Variants in MALT1 observed in about 807,000 individuals in gnomAD.
MALT1 encodes the protein mucosa-associated lymphoid tissue lymphoma translocation protein 1.
Under a neutral mutation model 85.5 loss-of-function variants are expected in MALT1, and 36 were observed. The observed-to-expected ratio is 0.42, with a 90% CI of 0.32 to 0.56. The LOEUF (loss-of-function observed/expected upper bound fraction) is 0.56. MALT1 is among the 20% of genes least tolerant of loss of function. The pLI is 0.10. For synonymous variants in MALT1, 359 were observed against 361.3 expected, an observed-to-expected ratio of 0.99 and a Z score of 0.07; for missense variants, 716 against 981.6, an observed-to-expected ratio of 0.73 and a Z score of 3.62.
At chr18:58,716,623 T>G (rs889240079) in intron 9 of MALT1, among the ~76,000 whole-genome samples, 1 of 152,218 alleles carries the variant, frequency 6.6e-6, no homozygotes, top group Admixed American at 6.5e-5. Flanking sequence ...TGAGTTATGC[T>G]GGGAATTTAA....
intron 10 of MALT1, among the ~76,000 whole-genome samples, chr18:58,727,614 G>GTTTTTTTTTTTTTTTTT (rs1602327763): frequency 3.6e-5 from 4 of 110,510 alleles, no homozygotes; most frequent in African/African-American, 1.3e-4. Flanking sequence ...AAGGTTTTTT[G>GTTTTTTTTTTTTTTTTT]TGTTTTTTTT....
chr18:58,734,512 C>T, intron 12 of MALT1, 131 bp downstream of exon 12: 5 of 682,240 alleles, frequency 7.3e-6, no homozygotes, highest in Admixed American at 6.8e-5. Context: ...TAGCTCACTG[C>T]TCCTGGGCTC....
intron 1 of MALT1, among the ~76,000 whole-genome samples, chr18:58,679,678 G>T (rs1198403070): frequency 2.0e-5 from 3 of 152,088 alleles, no homozygotes; most frequent in Non-Finnish European, 4.4e-5. Flanking sequence ...CTCCTGAGTA[G>T]CTGGGACTAC....
At chr18:58,710,860 C>T (rs1386768249) in intron 6 of MALT1, 61 bp from the exon 7 acceptor site, 30 of 1,128,710 alleles carry the variant, frequency 2.7e-5, no homozygotes, top group Admixed American at 4.0e-5. Context: ...ATTTGCTTGA[C>T]GGCTGCCCTT....
chr18:58,750,247 T>G lies in MALT1; in HGVS notation c.*2405T>G, dbSNP rs572506520. ...ATCAAGAATAAAACTCCAACACGTT[T>G]AAAGAAATTAAGATCCAGATAAATG... On this transcript the variant is annotated 3_prime_UTR_variant, in exon 17 of 17. Transcript: ENST00000649217. 1.8e-5 allele frequency: 3 copies of G among 167,206 alleles called. No homozygotes were observed. Among genetic ancestry groups the G allele is most frequent in the Admixed American group, 6.4e-5 (1 of 15,624 alleles). The allele number at this position is 167,206 out of a possible 1,614,324, so 10.4% of individuals were successfully genotyped here. A position where few individuals can be genotyped will look rare whatever the true frequency, so the allele number is the denominator to read the frequency against.
At chr18:58,727,621 T>TG (rs2055079200) in intron 10 of MALT1, among the ~76,000 whole-genome samples, 3 of 127,086 alleles carry the variant, frequency 2.4e-5, no homozygotes, top group Admixed American at 1.7e-4. Context: ...TTTGTGTTTT[T>TG]TTTTTTGTTT....
chr18:58,734,044 A>C, intron 11 of MALT1: 1 of 1,277,718 alleles, frequency 7.8e-7, no homozygotes, highest in South Asian at 2.2e-5. Context: ...GTTCCTCTAG[A>C]TTTACTATTT....
rs1478045882 is a variant in MALT1, at chr18:58,671,677, C to A, written c.34C>A (p.Pro12Thr). Residue 12 changes from proline to threonine, a missense_variant, in exon 1 of 17, where the codon CCG (proline) becomes ACG (threonine). Around this residue, in one of 4 missense-constraint regions of MALT1, gnomAD observed 80 missense variants for 65.1 expected, o/e 1.23. Transcript: ENST00000649217. ...SLLGDPLQALPPSAAPTGPLL... is the reference protein window; with the variant it reads ...SLLGDPLQALTPSAAPTGPLL... ...GTTGGGGGACCCGCTACAGGCCCTG[C>A]CGCCCTCGGCCGCCCCCACGGGGCC... The A allele has an allele frequency of 8.0e-7, 1 of 1,243,048 alleles. No homozygotes were observed. Among genetic ancestry groups the A allele is most frequent in the Non-Finnish European group, 1.0e-6 (1 of 994,946 alleles). 77.0% of individuals were successfully genotyped at this position (1,243,048 alleles called of 1,614,324 possible).
intron 11 of MALT1, chr18:58,734,093 C>T (rs577008046): frequency 1.5e-6 from 2 of 1,328,318 alleles, no homozygotes; most frequent in East Asian, 2.7e-5. Context: ...AATCCAATGC[C>T]AGAGTTCAAA....
At chr18:58,747,083 A>C (rs2055378215) in intron 16 of MALT1, among the ~76,000 whole-genome samples, 1 of 152,236 alleles carries the variant, frequency 6.6e-6, no homozygotes, top group Non-Finnish European at 1.5e-5. Flanking sequence ...GGGAAGGGTA[A>C]GTTTCCTAAG....
intron 2 of MALT1, among the ~76,000 whole-genome samples, chr18:58,694,135 G>A (rs928192891): frequency 3.3e-5 from 5 of 152,080 alleles, no homozygotes; most frequent in African/African-American, 1.2e-4. Context: ...ACTTGGCCTC[G>A]ACATAAAGGA....
At chr18:58,685,349 A>G (rs1186104694) in intron 2 of MALT1, among the ~76,000 whole-genome samples, 2 of 152,160 alleles carry the variant, frequency 1.3e-5, no homozygotes, top group Non-Finnish European at 2.9e-5. Context: ...TAAACGAGAA[A>G]CTATAGTCTT....
chr18:58,745,705 C>T lies in MALT1; in HGVS notation c.1951C>T (p.Pro651Ser). 1 of 1,613,406 alleles carries T rather than the reference C, an allele frequency of 6.2e-7. No individual in the cohort carries two copies. Among genetic ancestry groups the T allele is most frequent in the Non-Finnish European group, 8.5e-7 (1 of 1,179,578 alleles). The change falls in exon 16 of 17, where the codon CCT becomes TCT. Residue 651 changes from proline (P) to serine (S), a missense_variant. Coordinates refer to ENST00000649217, the MANE Select transcript of MALT1 (RefSeq NM_006785.4). The stretch of plus-strand genomic sequence containing the variant: ...TCCAAAAGATGCAAATAAAGGCACA[C>T]CTGAAGAAACTGGCAGCTACTTGGT... The part of the protein sequence containing the change: ...IDPKDANKGT[P>S]EETGSYLVSK...
chr18:58,704,615 C>G (rs1176676148), intron 4 of MALT1, among the ~76,000 whole-genome samples: 1 of 152,160 alleles, frequency 6.6e-6, no homozygotes, highest in Non-Finnish European at 1.5e-5. Context: ...CACCACTGCA[C>G]CTGGCTAATT....
At chr18:58,718,648 G>T (rs767641678) in intron 9 of MALT1, among the ~76,000 whole-genome samples, 19 of 152,310 alleles carry the variant, frequency 1.2e-4, no homozygotes, top group African/African-American at 4.3e-4. Flanking sequence ...GTTGGGGACC[G>T]CTGCTTAATG....
At chr18:58,697,785 T>C (rs2054611567) in intron 3 of MALT1, among the ~76,000 whole-genome samples, 1 of 152,164 alleles carries the variant, frequency 6.6e-6, no homozygotes, top group Non-Finnish European at 1.5e-5. Flanking sequence ...CATAGGAGTA[T>C]TGTAGGAGAT....
intron 7 of MALT1, among the ~76,000 whole-genome samples, chr18:58,712,391 A>G (rs1297807093): frequency 1.3e-5 from 2 of 152,206 alleles, no homozygotes; most frequent in Admixed American, 1.3e-4. Flanking sequence ...GAATGAAATG[A>G]TGTCACTTGC....
Position 58,750,458 on chromosome 18 carries a change from GAACA to G in MALT1, c.*2619_*2622del, listed in dbSNP as rs1016879707. 1.3e-5 allele frequency: 2 copies of G among 152,142 alleles called. No homozygotes were observed. Among genetic ancestry groups the G allele is most frequent in the African/African-American group, 2.4e-5 (1 of 41,418 alleles). The allele number at this position is 152,142 out of a possible 1,614,324, so 9.4% of individuals were successfully genotyped here. On this transcript the variant is annotated 3_prime_UTR_variant, in exon 17 of 17. Transcript: ENST00000649217. Reference sequence around the variant, plus strand: ...AGAATAGCCAAAAAACCTTGGAAAAGAACAAAGTTGGAAGACGTACCAATTTCAA... The same window carrying G: ...AGAATAGCCAAAAAACCTTGGAAAAGAAGTTGGAAGACGTACCAATTTCAA...
At chr18:58,711,093 A>G in intron 7 of MALT1, 140 bp downstream of exon 7, 1 of 521,478 alleles carries the variant, frequency 1.9e-6, no homozygotes, top group Non-Finnish European at 3.4e-6. Flanking sequence ...AGAATATTGT[A>G]TTTTAATCTT....
Sources: gnomAD v4.1 joint callset for allele counts (sites outside exome capture counted in the v4.1 genomes callset) on GRCh38, gnomAD v4.1.1 for gene constraint, gnomAD v4.1.1 regional missense constraint, MANE v1.5 for transcripts, NCBI Gene and HGNC (gene_info 2026-07-23, HGNC 2026-07-21) for gene names.